Variants in TUSC3 observed in about 807,000 individuals in gnomAD.
The protein encoded by TUSC3 is dolichyl-diphosphooligosaccharide--protein glycosyltransferase subunit TUSC3.
TUSC3 carries 45 observed loss-of-function variants against 44.8 expected under a neutral mutation model. The ratio of observed to expected loss-of-function variants is 1.00; its 90% confidence interval spans 0.79 to 1.29. The LOEUF is 1.29. TUSC3 is among the 50% of genes most tolerant of loss of function. The probability of loss-of-function intolerance (pLI) is 0.00; values close to 1 mark genes in which losing one functional copy is unlikely to be tolerated. For missense variants in TUSC3, 519 were observed against 437.9 expected, an observed-to-expected ratio of 1.19 and a Z score of -1.65; for synonymous variants, 212 against 152.9, an observed-to-expected ratio of 1.39 and a Z score of -2.85.
intron 6 of TUSC3, among the ~76,000 whole-genome samples, chr8:15,714,643 C>G (rs1214831598): frequency 6.6e-6 from 1 of 152,118 alleles, no homozygotes; most frequent in Non-Finnish European, 1.5e-5. Flanking sequence ...GGTTATACTT[C>G]TTTCTTAGTA....
intron 2 of TUSC3, among the ~76,000 whole-genome samples, chr8:15,485,033 C>G (rs752806440): frequency 2.0e-5 from 3 of 152,098 alleles, no homozygotes; most frequent in Non-Finnish European, 4.4e-5. Context: ...CATCCTCTGC[C>G]CTAAGTGTGT....
chr8:15,775,369 G>T, the TUSC3 span, among the ~76,000 whole-genome samples: 1 of 151,930 alleles, frequency 6.6e-6, no homozygotes, highest in Non-Finnish European at 1.5e-5. Context: ...AAAATATTCT[G>T]GAGAGTGATG....
At chr8:15,536,055 C>T (rs548470414), upstream of TUSC3, among the ~76,000 whole-genome samples, 1 of 152,194 alleles carries the variant, frequency 6.6e-6, no homozygotes, top group South Asian at 2.1e-4. Context: ...ATATGTGGCC[C>T]ACAACACTTC....
At chr8:15,612,001 G>A (rs1026012023) in intron 1 of TUSC3, among the ~76,000 whole-genome samples, 5 of 152,128 alleles carry the variant, frequency 3.3e-5, no homozygotes, top group Non-Finnish European at 7.4e-5. Flanking sequence ...AAAAGTAAAG[G>A]CTTCTTGTTC....
intron 7 of TUSC3, among the ~76,000 whole-genome samples, chr8:15,731,426 T>C (rs1337886149): frequency 6.6e-6 from 1 of 152,180 alleles, no homozygotes; most frequent in Non-Finnish European, 1.5e-5. Flanking sequence ...ATTACTAATA[T>C]CCTGGTTACT....
intron 1 of TUSC3, among the ~76,000 whole-genome samples, chr8:15,612,965 A>G (rs978001359): frequency 1.6e-4 from 24 of 151,746 alleles, no homozygotes; most frequent in African/African-American, 5.6e-4. Context: ...CACAGAAACA[A>G]TATATTCTTT....
At chr8:15,435,291 G>A (rs1439576247) in intron 1 of TUSC3, among the ~76,000 whole-genome samples, 1 of 152,100 alleles carries the variant, frequency 6.6e-6, no homozygotes, top group Non-Finnish European at 1.5e-5. Context: ...GGCCAGTGAT[G>A]ATGAGCATTT....
intron 1 of TUSC3, among the ~76,000 whole-genome samples, chr8:15,602,593 A>C (rs1240903224): frequency 1.3e-5 from 2 of 151,332 alleles, no homozygotes; most frequent in African/African-American, 2.4e-5. Context: ...ATACTGTGCA[A>C]ATTGCCTAAT....
At chr8:15,685,462 G>A (rs761182513) in intron 6 of TUSC3, among the ~76,000 whole-genome samples, 4 of 152,116 alleles carry the variant, frequency 2.6e-5, no homozygotes, top group African/African-American at 7.2e-5. Flanking sequence ...GACAGTTCCC[G>A]GCTGTTTCTA....
the TUSC3 span, among the ~76,000 whole-genome samples, chr8:15,786,306 T>C: frequency 6.6e-6 from 1 of 152,190 alleles, no homozygotes; most frequent in South Asian, 2.1e-4. Flanking sequence ...TTAAATATTA[T>C]CCTGAAAATT....
At chr8:15,571,098 T>A (rs898522715) in intron 1 of TUSC3, among the ~76,000 whole-genome samples, 1 of 151,348 alleles carries the variant, frequency 6.6e-6, no homozygotes, top group Admixed American at 6.6e-5. Flanking sequence ...GGATTATAGG[T>A]GCCTGCCACC....
chr8:15,685,211 T>C (rs571150119), intron 6 of TUSC3, among the ~76,000 whole-genome samples: 4 of 152,232 alleles, frequency 2.6e-5, no homozygotes, highest in Admixed American at 1.3e-4. Flanking sequence ...TTGGGAAACC[T>C]GTAGCTGGGA....
chr8:15,791,587 T>G, the TUSC3 span, among the ~76,000 whole-genome samples: 1 of 152,140 alleles, frequency 6.6e-6, no homozygotes, highest in African/African-American at 2.4e-5. Flanking sequence ...GAACTTCTCT[T>G]TTATATTAGG....
chr8:15,627,803 C>G (rs1019277173), intron 2 of TUSC3, among the ~76,000 whole-genome samples: 2 of 152,236 alleles, frequency 1.3e-5, no homozygotes, highest in African/African-American at 4.8e-5. Context: ...TGGCCAGACC[C>G]CATGCTCACT....
intron 3 of TUSC3, among the ~76,000 whole-genome samples, chr8:15,654,250 C>T (rs1807049527): frequency 2.6e-5 from 4 of 152,156 alleles, no homozygotes; most frequent in East Asian, 1.9e-4. Flanking sequence ...TTGCTATAGA[C>T]GTCTCTCATA....
At chr8:15,527,051 C>A (rs565977034) in intron 2 of TUSC3, among the ~76,000 whole-genome samples, 6 of 152,288 alleles carry the variant, frequency 3.9e-5, no homozygotes, top group African/African-American at 1.4e-4. Flanking sequence ...ATTGATTAAT[C>A]AGAATTCTTC....
At chr8:15,602,834 A>G (rs533019085) in intron 1 of TUSC3, among the ~76,000 whole-genome samples, 2 of 151,758 alleles carry the variant, frequency 1.3e-5, no homozygotes, top group South Asian at 4.1e-4. Context: ...TTTTATACAA[A>G]GAAAAAAGGA....
chr8:15,485,984 G>A (rs573875225), intron 2 of TUSC3, among the ~76,000 whole-genome samples: 3 of 152,088 alleles, frequency 2.0e-5, no homozygotes, highest in African/African-American at 7.2e-5. Context: ...AGTAGAGTCG[G>A]GGTTTCGCCA....
At chr8:15,441,240 C>G (rs1298444229) in intron 1 of TUSC3, among the ~76,000 whole-genome samples, 5 of 152,168 alleles carry the variant, frequency 3.3e-5, no homozygotes, top group Admixed American at 6.5e-5. Flanking sequence ...AACCCCGTCT[C>G]TACTGAAAAT....
Sources: gnomAD v4.1 joint callset for allele counts (sites outside exome capture counted in the v4.1 genomes callset) on GRCh38, gnomAD v4.1.1 for gene constraint, MANE v1.5 for transcripts, NCBI Gene and HGNC (gene_info 2026-07-23, HGNC 2026-07-21) for gene names.